The following GARIN1B variants were observed in gnomAD, a reference collection of about 807,000 sequenced individuals.
GARIN1B encodes golgi associated RAB2 interactor 1B, also known as Golgi-associated RAB2 interactor protein 1B.
At chr7:128,720,203 CTTTTTT>C in the GARIN1B span, among the ~76,000 whole-genome samples, 24 of 139,270 alleles carry the variant, frequency 1.7e-4, no homozygotes, top group Non-Finnish European at 2.5e-4. Flanking sequence ...TTTCCTTCTT[CTTTTTT>C]TTTTTTTTTG....
the GARIN1B span, among the ~76,000 whole-genome samples, chr7:128,721,724 T>C: frequency 2.6e-5 from 4 of 152,216 alleles, no homozygotes; most frequent in Non-Finnish European, 5.9e-5. Context: ...TTATTATGAA[T>C]ATTTGTAGAT....
At chr7:128,724,785 C>A in the GARIN1B span, 1 of 1,289,634 alleles carries the variant, frequency 7.8e-7, no homozygotes. Context: ...GTTGGACCAG[C>A]AGTTCAGAGG....
At chr7:128,722,673 A>G in the GARIN1B span, among the ~76,000 whole-genome samples, 81 of 152,136 alleles carry the variant, frequency 5.3e-4, no homozygotes, top group Non-Finnish European at 9.6e-4. Context: ...GTGTGGTGGC[A>G]GACACCTGTA....
the GARIN1B span, among the ~76,000 whole-genome samples, chr7:128,713,234 G>T: frequency 6.6e-6 from 1 of 152,232 alleles, no homozygotes; most frequent in East Asian, 1.9e-4. Context: ...TTGAACTCGG[G>T]ACATGGAGGT....
At chr7:128,718,434 G>GAAAAAAAAAAAAA in the GARIN1B span, among the ~76,000 whole-genome samples, 1 of 117,966 alleles carries the variant, frequency 8.5e-6, no homozygotes, top group African/African-American at 3.0e-5. Flanking sequence ...CTTTGCCTCA[G>GAAAAAAAAAAAAA]AAAAAAAAAA....
the GARIN1B span, among the ~76,000 whole-genome samples, chr7:128,715,965 C>T: frequency 6.6e-6 from 1 of 152,156 alleles, no homozygotes; most frequent in Non-Finnish European, 1.5e-5. Context: ...TTTACTTCAG[C>T]CCCCAGGCTG....
chr7:128,718,161 G>C, the GARIN1B span, among the ~76,000 whole-genome samples: 2 of 152,086 alleles, frequency 1.3e-5, no homozygotes, highest in African/African-American at 4.8e-5. Flanking sequence ...GGCTGGGCGC[G>C]GTGGCTCGTG....
chr7:128,726,137 T>C, the GARIN1B span, among the ~76,000 whole-genome samples: 1 of 152,202 alleles, frequency 6.6e-6, no homozygotes, highest in Non-Finnish European at 1.5e-5. Context: ...TGCGAAGATA[T>C]TTAGACTTCC....
At chr7:128,713,428 A>C in the GARIN1B span, among the ~76,000 whole-genome samples, 4 of 152,160 alleles carry the variant, frequency 2.6e-5, no homozygotes, top group Non-Finnish European at 4.4e-5. Flanking sequence ...TTGCAGGGGA[A>C]GTAGGAAGGG....
chr7:128,720,203 CT>C, the GARIN1B span, among the ~76,000 whole-genome samples: 237 of 139,202 alleles, frequency 1.7e-3, no homozygotes, highest in Non-Finnish European at 1.9e-3. Flanking sequence ...TTTCCTTCTT[CT>C]TTTTTTTTTT....
At chr7:128,729,895 G>A in the GARIN1B span, 2 of 1,611,916 alleles carry the variant, frequency 1.2e-6, no homozygotes, top group Non-Finnish European at 1.7e-6. Flanking sequence ...TTCTTTACTT[G>A]ATCTAGGGAA....
chr7:128,724,665 C>T, the GARIN1B span: 3 of 1,225,596 alleles, frequency 2.4e-6, no homozygotes, highest in Middle Eastern at 2.2e-4. Flanking sequence ...GGTCCTAGTG[C>T]CTATTACTTA....
the GARIN1B span, among the ~76,000 whole-genome samples, chr7:128,711,654 TACAGAC>T: frequency 4.4e-3 from 478 of 107,886 alleles, 1 homozygote; most frequent in Admixed American, 1.0e-2. Flanking sequence ...ATTTTGGTTT[TACAGAC>T]ACACACACAC....
the GARIN1B span, chr7:128,718,705 C>T: frequency 2.4e-6 from 3 of 1,247,260 alleles, no homozygotes; most frequent in Non-Finnish European, 3.3e-6. Context: ...CAGCACTGTG[C>T]TAAAGCACCC....
At chr7:128,728,335 G>C in the GARIN1B span, among the ~76,000 whole-genome samples, 1 of 152,162 alleles carries the variant, frequency 6.6e-6, no homozygotes, top group African/African-American at 2.4e-5. Context: ...CCAGCTACTC[G>C]GGAGGCTGAG....
the GARIN1B span, among the ~76,000 whole-genome samples, chr7:128,718,548 G>A: frequency 5.3e-5 from 8 of 152,078 alleles, no homozygotes; most frequent in African/African-American, 7.2e-5. Context: ...TAGGGCACAC[G>A]AGAATCATGG....
chr7:128,718,895 A>G, the GARIN1B span: 2 of 1,614,082 alleles, frequency 1.2e-6, no homozygotes, highest in Admixed American at 3.3e-5. Flanking sequence ...CCTGCAGTTG[A>G]GGACAGTCAC....
chr7:128,713,760 A>T, the GARIN1B span: 2 of 383,370 alleles, frequency 5.2e-6, no homozygotes, highest in South Asian at 4.3e-5. Flanking sequence ...AAAAGAGAAG[A>T]AGTCATCTCC....
chr7:128,728,822 T>C, the GARIN1B span, among the ~76,000 whole-genome samples: 1 of 152,232 alleles, frequency 6.6e-6, no homozygotes, highest in East Asian at 1.9e-4. Context: ...CTGTTCTAAA[T>C]GGTGAGCACA....
Sources: gnomAD v4.1 joint callset for allele counts (sites outside exome capture counted in the v4.1 genomes callset) on GRCh38, gnomAD v4.1.1 for gene constraint, MANE v1.5 for transcripts, NCBI Gene and HGNC (gene_info 2026-07-23, HGNC 2026-07-21) for gene names.